The following CNTN5 variants were observed in gnomAD, a reference collection of about 807,000 sequenced individuals.
The protein encoded by CNTN5 is contactin 5, also known as contactin-5.
Under a neutral mutation model 129.1 loss-of-function variants are expected in CNTN5, and 77 were observed. That is an observed-to-expected ratio of 0.60 (90% confidence interval 0.50 to 0.72). The LOEUF (loss-of-function observed/expected upper bound fraction) is 0.72. Among genes scored for constraint, CNTN5 ranks in the 30% least tolerant of loss-of-function variants. The probability of loss-of-function intolerance (pLI) is 0.00; values close to 1 mark genes in which losing one functional copy is unlikely to be tolerated. For synonymous variants in CNTN5, 509 were observed against 465.6 expected (o/e 1.09, Z -1.20); for missense variants, 1,478 against 1,328.8 (o/e 1.11, Z -1.75).
At chr11:99,623,495 A>T (rs186405732) in intron 3 of CNTN5, among the ~76,000 whole-genome samples, 2 of 152,236 alleles carry the variant, frequency 1.3e-5, no homozygotes, top group Admixed American at 1.3e-4. Flanking sequence ...ATATTTCAAC[A>T]GTGTATCTAA....
intron 1 of CNTN5, among the ~76,000 whole-genome samples, chr11:99,223,332 A>G (rs1860501589): frequency 6.6e-6 from 1 of 152,162 alleles, no homozygotes; most frequent in African/African-American, 2.4e-5. Flanking sequence ...CAGTTCAATA[A>G]ATGATGACGT....
chr11:100,036,574 A>G (rs1942023901), intron 9 of CNTN5, among the ~76,000 whole-genome samples: 1 of 144,328 alleles, frequency 6.9e-6, no homozygotes, highest in Non-Finnish European at 1.5e-5. Context: ...GGCCATTTTC[A>G]TGATATTGAT....
chr11:100,356,310 A>G lies in CNTN5; in HGVS notation c.*90A>G. On this transcript the variant is annotated 3_prime_UTR_variant, in exon 25 of 25. Coordinates refer to ENST00000524871, the MANE Select transcript of CNTN5 (RefSeq NM_014361.4). ...GTAAGTGGAGAACCAGGATCCTGAGATGAGCTTGAGCTTTAAAAACTTGGG... is the reference window on the plus strand; with the variant it reads ...GTAAGTGGAGAACCAGGATCCTGAGGTGAGCTTGAGCTTTAAAAACTTGGG... 1.1e-6 allele frequency: 1 copy of G among 896,322 alleles called. No individual in the cohort carries two copies. Among genetic ancestry groups the G allele is most frequent in the South Asian group, 1.4e-5 (1 of 70,928 alleles). The allele number at this position is 896,322 out of a possible 1,614,324, so 55.5% of individuals were successfully genotyped here.
At chr11:100,143,186 T>A (rs1946748544) in intron 13 of CNTN5, among the ~76,000 whole-genome samples, 1 of 152,180 alleles carries the variant, frequency 6.6e-6, no homozygotes, top group Non-Finnish European at 1.5e-5. Context: ...CATTTCATCC[T>A]AGTTTTATGT....
In CNTN5 at chr11:99,343,105, G is replaced by T. The variant is rs551872426; in HGVS notation, c.-71+17621G>T. 3.3e-5 allele frequency among the ~76,000 whole-genome samples: 5 copies of T among 152,280 alleles called. No individual in the cohort carries two copies. In the East Asian group the frequency reaches 9.7e-4, roughly 29 times the overall value. On this transcript the variant is annotated intron_variant, in intron 2 of 24. Transcript: ENST00000524871. ...GTGTCATTGTGCTCTTTTCTTGTCA[G>T]GCCTCATCTGGAAGAGAGGCAATAG...
chr11:99,880,645 C>T (rs1354119391), intron 6 of CNTN5, among the ~76,000 whole-genome samples: 2 of 152,070 alleles, frequency 1.3e-5, no homozygotes, highest in Non-Finnish European at 2.9e-5. Context: ...TCTGTAGACA[C>T]CAACATTTTC....
chr11:99,858,456 C>T (rs140142684), intron 6 of CNTN5, among the ~76,000 whole-genome samples: 2 of 152,068 alleles, frequency 1.3e-5, no homozygotes, highest in East Asian at 3.9e-4. Flanking sequence ...ATCTCTATGT[C>T]TCTGTGCACC....
intron 21 of CNTN5, among the ~76,000 whole-genome samples, chr11:100,338,581 C>T (rs1220671470): frequency 6.6e-6 from 1 of 152,202 alleles, no homozygotes; most frequent in Admixed American, 6.5e-5. Flanking sequence ...CAGGATTTTT[C>T]TCGGCCCCTT....
chr11:99,674,301 G>GT (rs34325595), intron 3 of CNTN5, among the ~76,000 whole-genome samples: 120,726 of 148,492 alleles, frequency 0.81, 48,453 homozygotes, highest in Middle Eastern at 0.89. Flanking sequence ...CCTTTTGATG[G>GT]TTTTTTTTTC....
At chr11:100,218,882 G>A (rs565808885) in intron 15 of CNTN5, among the ~76,000 whole-genome samples, 2 of 151,906 alleles carry the variant, frequency 1.3e-5, no homozygotes, top group South Asian at 4.2e-4. Flanking sequence ...TTTTTGAGGT[G>A]GTAAATAAAA....
chr11:100,296,793 A>C (rs369496345), intron 18 of CNTN5, among the ~76,000 whole-genome samples: 12 of 151,536 alleles, frequency 7.9e-5, no homozygotes, highest in African/African-American at 2.9e-4. Context: ...TAAGTAATAT[A>C]TAGGAGTGAA....
intron 3 of CNTN5, among the ~76,000 whole-genome samples, chr11:99,588,457 TAAG>T (rs908281438): frequency 6.6e-6 from 1 of 151,890 alleles, no homozygotes; most frequent in African/African-American, 2.4e-5. Context: ...ATTTTCAGAT[TAAG>T]AAGAGGAAAA....
intron 2 of CNTN5, among the ~76,000 whole-genome samples, chr11:99,459,243 C>A (rs1309462889): frequency 6.6e-6 from 1 of 151,790 alleles, no homozygotes; most frequent in African/African-American, 2.4e-5. Flanking sequence ...AGTTTGAGGA[C>A]TATGAAGGAC....
chr11:99,891,431 T>G (rs1949055837), intron 6 of CNTN5, among the ~76,000 whole-genome samples: 1 of 152,056 alleles, frequency 6.6e-6, no homozygotes, highest in Non-Finnish European at 1.5e-5. Context: ...GCTGCACCCA[T>G]CAACCCATCA....
At chr11:99,368,533 C>G (rs887324520) in intron 2 of CNTN5, among the ~76,000 whole-genome samples, 5 of 151,734 alleles carry the variant, frequency 3.3e-5, no homozygotes, top group Non-Finnish European at 7.4e-5. Context: ...TAAACAATCA[C>G]TCAATAGAAG....
chr11:99,866,014 T>C (rs1948346024), intron 6 of CNTN5, among the ~76,000 whole-genome samples: 1 of 152,224 alleles, frequency 6.6e-6, no homozygotes. Context: ...CTGATTTTTA[T>C]GTTATACTGC....
intron 2 of CNTN5, among the ~76,000 whole-genome samples, chr11:99,531,466 G>T (rs958472579): frequency 2.0e-5 from 3 of 152,190 alleles, no homozygotes; most frequent in Non-Finnish European, 4.4e-5. Context: ...CTAGTCAGCT[G>T]CAGAAATTTC....
intron 1 of CNTN5, among the ~76,000 whole-genome samples, chr11:99,204,511 G>A (rs1474010707): frequency 1.3e-5 from 2 of 152,006 alleles, no homozygotes; most frequent in Non-Finnish European, 2.9e-5. Flanking sequence ...AGCTCTCAAA[G>A]GAAATTTAAC....
chr11:99,811,331 G>A lies in CNTN5; in HGVS notation c.56-8213G>A, dbSNP rs560823118. ...AAAATTCAGGAATATTTTGATGATA[G>A]CAAGTGATTAAATACTTTAAAATAT... On this transcript the variant is annotated intron_variant, in intron 3 of 24. Transcript: ENST00000524871. 4.7e-4 allele frequency among the ~76,000 whole-genome samples: 72 copies of A among 151,854 alleles called. No individual in the cohort carries two copies. In the South Asian group the frequency reaches 0.012, roughly 26 times the overall value.
Sources: gnomAD v4.1 joint callset for allele counts (sites outside exome capture counted in the v4.1 genomes callset) on GRCh38, gnomAD v4.1.1 for gene constraint, MANE v1.5 for transcripts, NCBI Gene and HGNC (gene_info 2026-07-23, HGNC 2026-07-21) for gene names.